The following MISP variants were observed in gnomAD, a reference collection of about 807,000 sequenced individuals.
MISP encodes mitotic interactor and substrate of PLK1.
MISP carries 51 observed loss-of-function variants against 49.3 expected under a neutral mutation model. The ratio of observed to expected loss-of-function variants is 1.03; its 90% confidence interval spans 0.83 to 1.31. The LOEUF (loss-of-function observed/expected upper bound fraction) is 1.31. Ranked by LOEUF, MISP falls within the 50% of genes most tolerant of loss-of-function variation. MISP has a pLI of 0.00. For synonymous variants in MISP, 444 were observed against 392.6 expected (o/e 1.13, Z -1.55); for missense variants, 1,084 against 935.1 (o/e 1.16, Z -2.08).
Position 758,319 on chromosome 19 carries a change from C to T in MISP, c.1373C>T (p.Ala458Val), listed in dbSNP as rs200675895. 1.5e-4 allele frequency: 241 copies of T among 1,614,006 alleles called. No individual in the cohort carries two copies. Among genetic ancestry groups the T allele is most frequent in the Middle Eastern group, 1.6e-4 (1 of 6,084 alleles). Residue 458 changes from alanine (A) to valine (V), a missense_variant, in exon 2 of 5, where the codon GCG (alanine) becomes GTG (valine). Transcript: ENST00000215582. ...CTCTCCACAGCGGAGGCCAAGGCTGCGACTTCACCAAAGGCCACGATGTCC... is the reference window on the plus strand; with the variant it reads ...CTCTCCACAGCGGAGGCCAAGGCTGTGACTTCACCAAAGGCCACGATGTCC... ...SSLSTAEAKA[A>V]TSPKATMSPR... is the part of the protein sequence containing the mutation.
intron 1 of MISP, among the ~76,000 whole-genome samples, chr19:753,003 A>G (rs2049927560): frequency 1.3e-5 from 2 of 152,060 alleles, no homozygotes; most frequent in Admixed American, 6.5e-5. Context: ...TGTATACCAG[A>G]CTCTGGGCTG....
rs769326977 is a variant in MISP, at chr19:757,313, ACCTACCG to A, written c.371_377del (p.Tyr124TrpfsTer76). 6.2e-7 allele frequency: 1 copy of A among 1,613,960 alleles called. No individual in the cohort carries two copies. Among genetic ancestry groups the A allele is most frequent in the Admixed American group, 1.7e-5 (1 of 60,004 alleles). ...GGACGGGGAGGACAAGGAGATGAAG[ACCTACCG>A]CCTGGATGCTGGGGACGCTGACCCC... On this transcript the variant is annotated frameshift_variant, in exon 2 of 5. Coordinates refer to ENST00000215582, the MANE Select transcript of MISP (RefSeq NM_173481.4). LOFTEE classifies it high-confidence loss of function.
upstream of MISP, among the ~76,000 whole-genome samples, chr19:749,239 T>C (rs971659668): frequency 6.6e-6 from 1 of 152,104 alleles, no homozygotes; most frequent in Non-Finnish European, 1.5e-5. Context: ...CGATCCAGCC[T>C]CCACCCTGCT....
intron 2 of MISP, among the ~76,000 whole-genome samples, chr19:759,029 G>A (rs374107804): frequency 8.6e-5 from 13 of 152,016 alleles, no homozygotes; most frequent in African/African-American, 1.9e-4. Context: ...TTTGTTTTTC[G>A]GTTTTCTTTT....
At position 763,507 on chromosome 19, in the gene MISP, G is replaced by T. The variant is rs745385114; in HGVS notation, c.1957G>T (p.Glu653Ter). Residue 653 changes from glutamate (E) to a stop codon, truncating the protein, a stop_gained, in exon 5 of 5, where the codon GAA becomes TAA. Transcript: ENST00000215582. LOFTEE classifies it low-confidence loss of function (END_TRUNC). The part of the protein sequence containing the change: ...PSDGINSEVL[E>*]AIRVTRHKNA... ...TCATGCCTCCTTTTTGCAGGTCCTGGAAGCCATACGGGTGACCCGTCACAA... is the reference window on the plus strand; with the variant it reads ...TCATGCCTCCTTTTTGCAGGTCCTGTAAGCCATACGGGTGACCCGTCACAA... 6.2e-7 allele frequency: 1 copy of T among 1,613,822 alleles called. No homozygotes were observed. Among genetic ancestry groups the T allele is most frequent in the East Asian group, 2.2e-5 (1 of 44,874 alleles).
At chr19:753,907 G>C (rs2033501932) in intron 1 of MISP, among the ~76,000 whole-genome samples, 1 of 152,266 alleles carries the variant, frequency 6.6e-6, no homozygotes, top group East Asian at 1.9e-4. Context: ...CTCCCAAGTA[G>C]CTGGGATTAC....
upstream of MISP, among the ~76,000 whole-genome samples, chr19:750,298 C>G: frequency 6.9e-6 from 1 of 144,878 alleles, no homozygotes. Flanking sequence ...CTCCTGGGTT[C>G]AAGTGATTCT....
Position 757,435 on chromosome 19 carries a change from C to T in MISP, c.489C>T (p.Gly163=). The change falls in exon 2 of 5, where the codon GGC becomes GGT. Residue 163 remains glycine (G), a synonymous_variant. Coordinates refer to ENST00000215582, the MANE Select transcript of MISP (RefSeq NM_173481.4). ...RKSSTVATLQ[G]TPDHGDPRTP... ...GCAGCACCGTGGCCACGCTCCAGGG[C>T]ACTCCTGACCACGGAGACCCCAGGA... 3 of 1,594,698 alleles carry T rather than the reference C, an allele frequency of 1.9e-6. No homozygotes were observed. The highest frequency in any genetic ancestry group is 1.3e-5 in the African/African-American group (1 of 74,782).
At chr19:751,940 G>A (rs2033465784) in intron 1 of MISP, among the ~76,000 whole-genome samples, 1 of 152,186 alleles carries the variant, frequency 6.6e-6, no homozygotes, top group African/African-American at 2.4e-5. Context: ...TGGCTGATGA[G>A]GAAGGAGGTG....
chr19:757,606 T>G lies in MISP; in HGVS notation c.660T>G (p.Pro220=), dbSNP rs3746174. 1 of 1,612,412 alleles carries G rather than the reference T, an allele frequency of 6.2e-7. No homozygotes were observed. Among genetic ancestry groups the G allele is most frequent in the Non-Finnish European group, 8.5e-7 (1 of 1,179,592 alleles). The change falls in exon 2 of 5, where the codon CCT becomes CCG. Residue 220 remains proline, a synonymous_variant. Transcript: ENST00000215582. ...APHSSPARGT[P]AGTTPGASQA... Reference sequence around the variant, plus strand: ...ATAGCTCCCCGGCCAGGGGGACCCCTGCAGGCACAACCCCAGGGGCCAGCC... The same window carrying G: ...ATAGCTCCCCGGCCAGGGGGACCCCGGCAGGCACAACCCCAGGGGCCAGCC...
At chr19:761,281 T>G (rs957886124) in intron 3 of MISP, among the ~76,000 whole-genome samples, 2 of 147,228 alleles carry the variant, frequency 1.4e-5, no homozygotes, top group African/African-American at 2.5e-5. Context: ...GGAGGCTCCA[T>G]CCGGGAGGTG....
Position 757,154 on chromosome 19 carries a change from G to A in MISP, c.208G>A (p.Val70Met), listed in dbSNP as rs563632303. ...GVQRQGVSYS[V>M]HAYTGQPSPR... The stretch of plus-strand genomic sequence containing the variant: ...GCAGAGGCAGGGGGTGTCCTACAGC[G>A]TGCATGCCTACACTGGCCAGCCGTC... Residue 70 changes from valine (V) to methionine (M), a missense_variant, in exon 2 of 5, where the codon GTG (valine) becomes ATG (methionine). Physicochemically the swap from Val to Met is conservative, Grantham distance 21 (BLOSUM62 1). Transcript: ENST00000215582. 7.4e-6 allele frequency: 12 copies of A among 1,613,374 alleles called. No individual in the cohort carries two copies. Among genetic ancestry groups the A allele is most frequent in the East Asian group, 6.7e-5 (3 of 44,886 alleles).
Position 757,951 on chromosome 19 carries a change from C to A in MISP, c.1005C>A (p.Ser335Arg). Residue 335 changes from serine (S) to arginine (R), a missense_variant, in exon 2 of 5, where the codon AGC becomes AGA. Physicochemically the swap from Ser to Arg is moderately radical, Grantham distance 110 (BLOSUM62 -1). Coordinates refer to ENST00000215582, the MANE Select transcript of MISP (RefSeq NM_173481.4). Reference sequence around the variant, plus strand: ...CCAGGCCGCTGCTGACCAAGCTGAGCCTGATCACAGCCCCACGGCGGGAGA... The same window carrying A: ...CCAGGCCGCTGCTGACCAAGCTGAGACTGATCACAGCCCCACGGCGGGAGA... ...IPTRPLLTKL[S>R]LITAPRRERG... 6.3e-7 allele frequency: 1 copy of A among 1,596,544 alleles called. No individual in the cohort carries two copies.
rs765670492 is a variant in MISP at position 757,343 on chromosome 19, C to T, written c.397C>T (p.Pro133Ser). 2.5e-6 allele frequency: 4 copies of T among 1,613,794 alleles called. No homozygotes were observed. In the African/African-American group the frequency reaches 5.3e-5, roughly 22 times the overall value. The change falls in exon 2 of 5, where the codon CCC (proline) becomes TCC (serine). Residue 133 changes from proline (P) to serine (S), a missense_variant. Physicochemically the swap from Pro to Ser is moderately conservative, Grantham distance 74. Transcript: ENST00000215582. ...CCGCCTGGATGCTGGGGACGCTGAC[C>T]CCAGGAGGCTGTGTGACCTGGAGCG... ...TYRLDAGDAD[P>S]RRLCDLERER... is the part of the protein sequence containing the mutation.
intron 3 of MISP, among the ~76,000 whole-genome samples, chr19:760,781 G>A (rs954711214): frequency 1.1e-4 from 17 of 152,058 alleles, no homozygotes; most frequent in African/African-American, 3.9e-4. Flanking sequence ...AGGGAGAGAC[G>A]GAGGGATGTG....
chr19:749,637 C>T (rs986084254), upstream of MISP, among the ~76,000 whole-genome samples: 3 of 152,170 alleles, frequency 2.0e-5, no homozygotes, highest in Admixed American at 6.5e-5. Flanking sequence ...TCGAGACCAG[C>T]CTGGCTAACG....
rs1321079301 is a variant in MISP, at chr19:758,266, C to G, written c.1320C>G (p.Ala440=). ...GGACCCCCCAGCTAGAATTCTCAGC[C>G]TTCGGAGCATTCGGCAAGCCCAGCA... is the stretch of plus-strand genomic sequence containing the variant. The part of the protein sequence containing the change: ...SPGTPQLEFS[A]FGAFGKPSSL... The change falls in exon 2 of 5, where the codon GCC becomes GCG. Residue 440 remains alanine (A), a synonymous_variant. Transcript: ENST00000215582. 7.4e-6 allele frequency: 12 copies of G among 1,613,752 alleles called. No individual in the cohort carries two copies. Among genetic ancestry groups the G allele is most frequent in the Non-Finnish European group, 4.2e-6 (5 of 1,180,034 alleles).
At chr19:750,188 C>CTTTTTTT (rs71174321), upstream of MISP, among the ~76,000 whole-genome samples, 1 of 112,642 alleles carries the variant, frequency 8.9e-6, no homozygotes, top group East Asian at 3.0e-4. Context: ...TCGTGCGGTT[C>CTTTTTTT]TTTTTTTTTT....
In MISP at chr19:758,204, A is replaced by C; in HGVS notation, c.1258A>C (p.Ile420Leu). 6.2e-7 allele frequency: 1 copy of C among 1,612,614 alleles called. No homozygotes were observed. The highest frequency in any genetic ancestry group is 8.5e-7 in the Non-Finnish European group (1 of 1,179,788). The change falls in exon 2 of 5, where the codon ATC becomes CTC. Residue 420 changes from isoleucine to leucine, a missense_variant. Physicochemically the swap from Ile to Leu is conservative, Grantham distance 5. Coordinates refer to ENST00000215582, the MANE Select transcript of MISP (RefSeq NM_173481.4). ...TCCAGAAGTGAGGAAGGTGAACCGC[A>C]TCCCACCTGATGCCTACCAGCCGTA... ...PAPEVRKVNR[I>L]PPDAYQPYLS...
Sources: allele counts gnomAD v4.1 joint callset (sites outside exome capture counted in the v4.1 genomes callset), GRCh38; gene constraint gnomAD v4.1.1; transcripts MANE v1.5; gene names NCBI Gene and HGNC (gene_info 2026-07-23, HGNC 2026-07-21).